The following KIRREL3 variants were observed in gnomAD, a reference collection of about 807,000 sequenced individuals.
The protein encoded by KIRREL3 is kirre like nephrin family adhesion molecule 3, also known as kin of IRRE-like protein 3.
In KIRREL3, 36 loss-of-function variants were observed where a neutral mutation model predicts 89.7. The observed-to-expected ratio is 0.40, with a 90% confidence interval of 0.31 to 0.53. The LOEUF (loss-of-function observed/expected upper bound fraction) is 0.53, where lower values mean the gene tolerates loss of function less well. Among genes scored for constraint, KIRREL3 ranks in the 20% least tolerant of loss-of-function variants. KIRREL3 has a pLI of 0.49. For synonymous variants in KIRREL3, 445 were observed against 441.4 expected, an observed-to-expected ratio of 1.01 and a Z score of -0.10; for missense variants, 864 against 1,056.6, an observed-to-expected ratio of 0.82 and a Z score of 2.53.
chr11:126,885,367 A>G (rs1945657192), intron 1 of KIRREL3, among the ~76,000 whole-genome samples: 1 of 152,222 alleles, frequency 6.6e-6, no homozygotes, highest in Non-Finnish European at 1.5e-5. Flanking sequence ...AGACAGCAAC[A>G]TGAAAACATA....
chr11:126,832,194 G>A (rs1293066971), intron 1 of KIRREL3, among the ~76,000 whole-genome samples: 2 of 152,140 alleles, frequency 1.3e-5, no homozygotes, highest in Non-Finnish European at 2.9e-5. Context: ...AGCACATAAG[G>A]ATGATCCTAG....
chr11:126,978,510 G>A lies in KIRREL3; in HGVS notation c.55+21945C>T, dbSNP rs931416852. ...ATATATTCTTGTGTTTACGTGCCCT[G>A]GCCAGAAAGCTTTTTGGCTTCCAGG... On this transcript the variant is annotated intron_variant, in intron 1 of 16. Transcript: ENST00000525144. The surrounding 1 kb of genome is among the most constrained non-coding windows in gnomAD (Gnocchi z 4.2). 3.9e-5 allele frequency among the ~76,000 whole-genome samples: 6 copies of A among 152,254 alleles called. No homozygotes were observed. The highest frequency in any genetic ancestry group is 1.2e-4 in the African/African-American group (5 of 41,552).
Position 126,990,336 on chromosome 11 carries a change from C to G in KIRREL3, c.55+10119G>C, listed in dbSNP as rs1377881638. Among the ~76,000 whole-genome samples the G allele has an allele frequency of 6.6e-6, 1 of 152,160 alleles. No individual in the cohort carries two copies. The highest frequency in any genetic ancestry group is 2.4e-5 in the African/African-American group (1 of 41,434). ...CCCCTCAAACACTCCACCCTCACACCCTGCAGAATCAGGAGAGAGGAACCC... is the reference window on the plus strand; with the variant it reads ...CCCCTCAAACACTCCACCCTCACACGCTGCAGAATCAGGAGAGAGGAACCC... On this transcript the variant is annotated intron_variant, in intron 1 of 16. Transcript: ENST00000525144. The surrounding 1 kb of genome is among the most constrained non-coding windows in gnomAD (Gnocchi z 6.3).
At position 126,562,969 on chromosome 11, in the gene KIRREL3, G is replaced by T. The variant is rs1001304923; in HGVS notation, c.56-57C>A. ...AATGGGAACAGGTCAGGCATTGTTG[G>T]GGGGCCCTCTGCAGGGGGCTGTGGA... On this transcript the variant is annotated intron_variant, in intron 1 of 16. Transcript: ENST00000525144. The surrounding 1 kb of genome is among the most constrained non-coding windows in gnomAD (Gnocchi z 4.7). The T allele has an allele frequency of 2.2e-6, 3 of 1,366,152 alleles. No homozygotes were observed. The highest frequency in any genetic ancestry group is 1.2e-5 in the South Asian group (1 of 83,198). The allele number at this position is 1,366,152 out of a possible 1,614,324, so 84.6% of individuals were successfully genotyped here.
chr11:126,867,307 C>G lies in KIRREL3; in HGVS notation c.55+133148G>C, dbSNP rs1177426289. Reference sequence around the variant, plus strand: ...TCTTCAGGACCTGTGCTGGGACTCTCCTCTCATTACCTGCACTCCAATGGG... The same window carrying G: ...TCTTCAGGACCTGTGCTGGGACTCTGCTCTCATTACCTGCACTCCAATGGG... On this transcript the variant is annotated intron_variant, in intron 1 of 16. Transcript: ENST00000525144. This position sits in a 1 kb window ranked among gnomAD's most constrained non-coding sequence, Gnocchi z 4.7. 6.6e-6 allele frequency among the ~76,000 whole-genome samples: 1 copy of G among 152,212 alleles called. No individual in the cohort carries two copies. Among genetic ancestry groups the G allele is most frequent in the Non-Finnish European group, 1.5e-5 (1 of 68,042 alleles).
rs537760556 is a variant in KIRREL3, at chr11:126,909,699, G to A, written c.55+90756C>T. Among the ~76,000 whole-genome samples the A allele has an allele frequency of 4.6e-5, 7 of 152,224 alleles. No individual in the cohort carries two copies. The East Asian group carries it at 1.2e-3, about 25-fold the overall frequency. ...TGTCCTTTGCTCTCCATAACCCTAG[G>A]GGAGGCAGGATCTTGACCTCAGAGA... On this transcript the variant is annotated intron_variant, in intron 1 of 16. Transcript: ENST00000525144. This position sits in a 1 kb window ranked among gnomAD's most constrained non-coding sequence, Gnocchi z 4.5.
At position 126,840,543 on chromosome 11, in the gene KIRREL3, G is replaced by C. The variant is rs372817031; in HGVS notation, c.55+159912C>G. Among the ~76,000 whole-genome samples the C allele has an allele frequency of 1.2e-3, 184 of 152,156 alleles. 3 individuals carry two copies. The South Asian group carries it at 0.036, about 30-fold the overall frequency. ...CACATATTAGTCCCCCTTCATCCAA[G>C]GTTTCACGCTCCGATTTCAGTTCTC... On this transcript the variant is annotated intron_variant, in intron 1 of 16. Transcript: ENST00000525144.
rs1272651424 is a variant in KIRREL3 at position 126,656,556 on chromosome 11, T to C, written c.56-93644A>G. On this transcript the variant is annotated intron_variant, in intron 1 of 16. Coordinates refer to ENST00000525144, the MANE Select transcript of KIRREL3 (RefSeq NM_032531.4). The surrounding 1 kb of genome is among the most constrained non-coding windows in gnomAD (Gnocchi z 4.0). ...GCAGGTGACAGTGGTTGCGTGCTCC[T>C]GGGCACCGCCTGCCCAGCCCCTGCA... Among the ~76,000 whole-genome samples the C allele has an allele frequency of 6.6e-6, 1 of 152,208 alleles. No individual in the cohort carries two copies. The highest frequency in any genetic ancestry group is 1.9e-4 in the East Asian group (1 of 5,186).
In KIRREL3 at chr11:126,754,380, A is replaced by G. The variant is rs531740524; in HGVS notation, c.56-191468T>C. Among the ~76,000 whole-genome samples, 14 of 152,124 alleles carry G rather than the reference A, an allele frequency of 9.2e-5. No individual in the cohort carries two copies. The South Asian group carries it at 2.9e-3, about 32-fold the overall frequency. ...TCAGAACGTACCTCTCTAACTTTAC[A>G]CTCTCTATATGTCTGTCTCTGGTCT... On this transcript the variant is annotated intron_variant, in intron 1 of 16. Coordinates refer to ENST00000525144, the MANE Select transcript of KIRREL3 (RefSeq NM_032531.4). This position sits in a 1 kb window ranked among gnomAD's most constrained non-coding sequence, Gnocchi z 5.1.
intron 1 of KIRREL3, among the ~76,000 whole-genome samples, chr11:126,731,342 C>T (rs935993931): frequency 6.6e-6 from 1 of 152,152 alleles, no homozygotes; most frequent in Non-Finnish European, 1.5e-5. Context: ...TGACCCTATC[C>T]CAGGGTCCAT....
At chr11:126,505,134 A>G (rs115653111) in intron 4 of KIRREL3, among the ~76,000 whole-genome samples, 36 of 152,376 alleles carry the variant, frequency 2.4e-4, no homozygotes, top group African/African-American at 8.4e-4. Flanking sequence ...TCTATTCAGC[A>G]TTGTACTGTA....
intron 1 of KIRREL3, among the ~76,000 whole-genome samples, chr11:126,631,120 TATGTATTC>T (rs11276751): frequency 0.33 from 45,476 of 139,588 alleles, 6,972 homozygotes; most frequent in East Asian, 0.47. Context: ...AGTCTGTATG[TATGTATTC>T]ATTCATTCAT....
Position 126,561,805 on chromosome 11 carries a change from G to T in KIRREL3, c.133+1030C>A, listed in dbSNP as rs1401702714. On this transcript the variant is annotated intron_variant, in intron 2 of 16. Transcript: ENST00000525144. This position sits in a 1 kb window ranked among gnomAD's most constrained non-coding sequence, Gnocchi z 4.5. Reference sequence around the variant, plus strand: ...GATGGGTGCTGGAAACAGGTCCACAGCTGGCAAAGTCTCAGGCATGGGGAG... The same window carrying T: ...GATGGGTGCTGGAAACAGGTCCACATCTGGCAAAGTCTCAGGCATGGGGAG... Among the ~76,000 whole-genome samples, 1 of 152,224 alleles carries T rather than the reference G, an allele frequency of 6.6e-6. No individual in the cohort carries two copies. The highest frequency in any genetic ancestry group is 1.5e-5 in the Non-Finnish European group (1 of 68,034).
chr11:126,490,755 C>T lies in KIRREL3; in HGVS notation c.434-17289G>A, dbSNP rs565442069. On this transcript the variant is annotated intron_variant, in intron 4 of 16. Coordinates refer to ENST00000525144, the MANE Select transcript of KIRREL3 (RefSeq NM_032531.4). The surrounding 1 kb of genome is among the most constrained non-coding windows in gnomAD (Gnocchi z 4.2). Reference sequence around the variant, plus strand: ...CCTTTTCTTGTCTCTCCTCCCTCCTCGTCTCCCAAAGAATGGGTCTGCCTT... The same window carrying T: ...CCTTTTCTTGTCTCTCCTCCCTCCTTGTCTCCCAAAGAATGGGTCTGCCTT... Among the ~76,000 whole-genome samples the T allele has an allele frequency of 1.7e-4, 26 of 152,308 alleles. No individual in the cohort carries two copies. The highest frequency in any genetic ancestry group is 1.1e-3 in the Admixed American group (17 of 15,300).
In KIRREL3 at chr11:126,768,261, C is replaced by CCCAT. The variant is rs1354838421; in HGVS notation, c.56-205353_56-205350dup. The stretch of plus-strand genomic sequence containing the variant: ...ATCTGTCCATCCATACATGCATCCA[C>CCCAT]CCATCCATCCATCCATTCATCCATC... On this transcript the variant is annotated intron_variant, in intron 1 of 16. Transcript: ENST00000525144. The surrounding 1 kb of genome is among the most constrained non-coding windows in gnomAD (Gnocchi z 4.5). Among the ~76,000 whole-genome samples, 41 of 147,180 alleles carry CCCAT rather than the reference C, an allele frequency of 2.8e-4. No individual in the cohort carries two copies. The highest frequency in any genetic ancestry group is 6.7e-4 in the African/African-American group (26 of 38,752).
At chr11:126,460,452 G>A (rs574209596) in intron 6 of KIRREL3, among the ~76,000 whole-genome samples, 1 of 152,288 alleles carries the variant, frequency 6.6e-6, no homozygotes, top group Non-Finnish European at 1.5e-5. Context: ...TTAACTAACC[G>A]GGTCAGTGCC....
At chr11:126,437,153 C>T (rs1955379152) in intron 11 of KIRREL3, 144 bp from the exon 12 acceptor site, 5 of 673,732 alleles carry the variant, frequency 7.4e-6, no homozygotes, top group African/African-American at 3.6e-5. Flanking sequence ...TGTATGCAGG[C>T]ACACATGCCA....
In KIRREL3 at chr11:126,783,496, T is replaced by G. The variant is rs1326609323; in HGVS notation, c.55+216959A>C. On this transcript the variant is annotated intron_variant, in intron 1 of 16. Transcript: ENST00000525144. This position sits in a 1 kb window ranked among gnomAD's most constrained non-coding sequence, Gnocchi z 4.3. ...GGACACAATCCAACACATAACATAT[T>G]CTCTTCCAAAAAAGCCACACTAATG... Among the ~76,000 whole-genome samples, 1 of 152,114 alleles carries G rather than the reference T, an allele frequency of 6.6e-6. No homozygotes were observed. The highest frequency in any genetic ancestry group is 1.5e-5 in the Non-Finnish European group (1 of 68,028).
Position 126,683,294 on chromosome 11 carries a change from G to A in KIRREL3, c.56-120382C>T, listed in dbSNP as rs1946538929. Among the ~76,000 whole-genome samples, 1 of 152,218 alleles carries A rather than the reference G, an allele frequency of 6.6e-6. No homozygotes were observed. Among genetic ancestry groups the A allele is most frequent in the South Asian group, 2.1e-4 (1 of 4,830 alleles). Reference sequence around the variant, plus strand: ...CAAGGGCATGAACCAAATCTGGAAAGTAGAGTTGGGGTTGTGAAATATTAG... The same window carrying A: ...CAAGGGCATGAACCAAATCTGGAAAATAGAGTTGGGGTTGTGAAATATTAG... On this transcript the variant is annotated intron_variant, in intron 1 of 16. Coordinates refer to ENST00000525144, the MANE Select transcript of KIRREL3 (RefSeq NM_032531.4). This position sits in a 1 kb window ranked among gnomAD's most constrained non-coding sequence, Gnocchi z 5.2.
Sources: gnomAD v4.1 joint callset for allele counts (sites outside exome capture counted in the v4.1 genomes callset) on GRCh38, gnomAD v4.1.1 for gene constraint, Gnocchi (gnomAD v3.1) non-coding constraint, MANE v1.5 for transcripts, NCBI Gene and HGNC (gene_info 2026-07-23, HGNC 2026-07-21) for gene names.